LYST: variants seen among roughly 807,000 people sequenced by gnomAD.
LYST encodes lysosomal trafficking regulator.
A neutral mutation model predicts 413.6 loss-of-function variants in LYST; 192 were observed. That is an observed-to-expected ratio of 0.46 (90% confidence interval 0.41 to 0.52). The LOEUF (loss-of-function observed/expected upper bound fraction) is 0.52, where lower values mean the gene tolerates loss of function less well. Ranked by LOEUF, LYST falls within the 20% of genes least tolerant of loss-of-function variation. The probability of loss-of-function intolerance (pLI) is 0.00; values close to 1 mark genes in which losing one functional copy is unlikely to be tolerated. For synonymous variants in LYST, 1,525 were observed against 1,567.3 expected, an observed-to-expected ratio of 0.97 and a Z score of 0.64; for missense variants, 3,815 against 4,499.9, an observed-to-expected ratio of 0.85 and a Z score of 4.35.
rs1311472263 is a variant in LYST at position 235,677,476 on chromosome 1, GTA to G, written c.10940+2_10940+3del. On this transcript the variant is annotated splice_donor_variant and splice_donor_region_variant and intron_variant, in intron 49 of 52. Transcript: ENST00000389793. LOFTEE classifies it high-confidence loss of function. The stretch of plus-strand genomic sequence containing the variant: ...ATGTTTGATTTGGAGACCTTCTTCT[GTA>G]CCTGTTTAAATCCCATATGATGCAG... The G allele has an allele frequency of 6.2e-7, 1 of 1,613,368 alleles. No homozygotes were observed. Among genetic ancestry groups the G allele is most frequent in the African/African-American group, 1.3e-5 (1 of 74,896 alleles).
intron 3 of LYST, among the ~76,000 whole-genome samples, chr1:235,825,298 A>G (rs932943428): frequency 1.3e-5 from 2 of 152,216 alleles, no homozygotes; most frequent in Non-Finnish European, 2.9e-5. Flanking sequence ...ACACTAAACC[A>G]GGAGGTCCAC....
intron 23 of LYST, among the ~76,000 whole-genome samples, chr1:235,757,797 T>C (rs2103344211): frequency 6.6e-6 from 1 of 152,260 alleles, no homozygotes; most frequent in Middle Eastern, 3.4e-3. Flanking sequence ...TGGCTAGTGC[T>C]GACTGTATTA....
At chr1:235,738,918 C>A (rs368389381) in intron 31 of LYST, 4 of 730,836 alleles carry the variant, frequency 5.5e-6, no homozygotes, top group Admixed American at 1.8e-5. Flanking sequence ...GACTCTGACT[C>A]CTGAGGAAGG....
intron 50 of LYST, among the ~76,000 whole-genome samples, chr1:235,666,773 C>T (rs1408799844): frequency 6.6e-6 from 1 of 152,058 alleles, no homozygotes; most frequent in East Asian, 1.9e-4. Context: ...ACATTTCAAC[C>T]TTTCTTTTGA....
At chr1:235,786,786 A>G (rs1381346883) in intron 14 of LYST, among the ~76,000 whole-genome samples, 5 of 151,446 alleles carry the variant, frequency 3.3e-5, no homozygotes, top group African/African-American at 1.2e-4. Context: ...ACTCTCAGCA[A>G]ACGATCGCAA....
chr1:235,822,514 A>C (rs1558302137), intron 3 of LYST, among the ~76,000 whole-genome samples: 1 of 152,194 alleles, frequency 6.6e-6, no homozygotes, highest in African/African-American at 2.4e-5. Flanking sequence ...CAAAATTACT[A>C]CATGTGAAAG....
intron 36 of LYST, 25 bp downstream of exon 36, chr1:235,730,822 T>A: frequency 7.8e-7 from 1 of 1,284,662 alleles, no homozygotes; most frequent in South Asian, 1.2e-5. Context: ...CATGAAAGAG[T>A]GAAGGTCTAT....
chr1:235,774,494 C>T (rs777215526), intron 18 of LYST, among the ~76,000 whole-genome samples: 14 of 152,032 alleles, frequency 9.2e-5, no homozygotes, highest in African/African-American at 1.7e-4. Flanking sequence ...AAAATGAGCA[C>T]GAATATCTGT....
intron 14 of LYST, 161 bp downstream of exon 14, chr1:235,787,039 A>C (rs890405861): frequency 1.7e-6 from 1 of 576,590 alleles, no homozygotes; most frequent in Non-Finnish European, 3.0e-6. Context: ...CTAGAACTTA[A>C]AGTACAATAA....
intron 18 of LYST, 61 bp downstream of exon 18, chr1:235,774,852 T>G (rs1264909249): frequency 9.0e-6 from 10 of 1,107,108 alleles, no homozygotes; most frequent in Non-Finnish European, 1.4e-5. Flanking sequence ...TGGAAGACTT[T>G]GATGACGAGA....
At chr1:235,835,948 T>G (rs572576649) in intron 1 of LYST, among the ~76,000 whole-genome samples, 26 of 152,220 alleles carry the variant, frequency 1.7e-4, no homozygotes, top group Non-Finnish European at 3.4e-4. Flanking sequence ...AATACAACAA[T>G]TGTTATAATG....
chr1:235,844,294 T>C (rs915793809), intron 1 of LYST, among the ~76,000 whole-genome samples: 1 of 152,202 alleles, frequency 6.6e-6, no homozygotes, highest in African/African-American at 2.4e-5. Context: ...TTTATATCAT[T>C]TCATAAATGA....
chr1:235,717,691 C>T (rs1462594055), intron 40 of LYST, among the ~76,000 whole-genome samples: 2 of 150,852 alleles, frequency 1.3e-5, no homozygotes, highest in African/African-American at 2.5e-5. Flanking sequence ...GTCTGCTTAA[C>T]CACATGTTGA....
chr1:235,824,063 C>T (rs1675071400), intron 3 of LYST, among the ~76,000 whole-genome samples: 1 of 152,112 alleles, frequency 6.6e-6, no homozygotes, highest in African/African-American at 2.4e-5. Context: ...TAGCCCATTT[C>T]AGCAGTACTA....
intron 31 of LYST, 61 bp from the exon 32 acceptor site, chr1:235,734,720 T>C: frequency 9.2e-7 from 1 of 1,083,106 alleles, no homozygotes; most frequent in Non-Finnish European, 1.4e-6. Context: ...TTTAAATTAC[T>C]TAGTAGTAAT....
intron 17 of LYST, among the ~76,000 whole-genome samples, 158 bp downstream of exon 17, chr1:235,776,905 C>T (rs376338659): frequency 1.3e-5 from 2 of 152,044 alleles, no homozygotes; most frequent in Non-Finnish European, 2.9e-5. Context: ...TCATCTATGG[C>T]AGAAAGCTTA....
intron 50 of LYST, among the ~76,000 whole-genome samples, chr1:235,669,900 C>T (rs1423675643): frequency 6.6e-6 from 1 of 152,222 alleles, no homozygotes; most frequent in Non-Finnish European, 1.5e-5. Flanking sequence ...ACCAGTGACA[C>T]TGGGAGCAGA....
At chr1:235,789,827 T>C (rs1368163091) in intron 12 of LYST, among the ~76,000 whole-genome samples, 1 of 152,068 alleles carries the variant, frequency 6.6e-6, no homozygotes, top group Non-Finnish European at 1.5e-5. Flanking sequence ...CTTCTGCAAA[T>C]AAAAGAGTAG....
chr1:235,698,812 G>A (rs372645695), intron 45 of LYST, among the ~76,000 whole-genome samples: 2 of 152,106 alleles, frequency 1.3e-5, no homozygotes, highest in African/African-American at 4.8e-5. Context: ...GGCAGAGCTT[G>A]CAGTAAGCCG....
Sources: allele counts gnomAD v4.1 joint callset (sites outside exome capture counted in the v4.1 genomes callset), GRCh38; gene constraint gnomAD v4.1.1; transcripts MANE v1.5; gene names NCBI Gene and HGNC (gene_info 2026-07-23, HGNC 2026-07-21).